HLA-DPA1: variants seen among roughly 807,000 people sequenced by gnomAD.
HLA-DPA1 encodes the protein major histocompatibility complex, class II, DP alpha 1.
Under a neutral mutation model 21.5 loss-of-function variants are expected in HLA-DPA1, and 20 were observed. The observed-to-expected ratio is 0.93, with a 90% CI of 0.66 to 1.35. The LOEUF is 1.35. HLA-DPA1 is among the 40% of genes most tolerant of loss of function. The pLI, the probability that HLA-DPA1 is intolerant of heterozygous loss-of-function variation, is 0.00. For missense variants in HLA-DPA1, 279 were observed against 323.0 expected (o/e 0.86, Z 1.05); for synonymous variants, 123 against 129.6 (o/e 0.95, Z 0.35).
In HLA-DPA1 at chr6:33,071,004, T is replaced by C. The variant is rs192235493; in HGVS notation, c.101-1118A>G. 3.6e-3 allele frequency among the ~76,000 whole-genome samples: 543 copies of C among 152,276 alleles called. 3 individuals are homozygous for C. Among genetic ancestry groups the C allele is most frequent in the East Asian group, 0.026 (133 of 5,190 alleles). ...TGAAAGAAAACGATGAATGTGTATG[T>C]GAAAGTCTGGGTTTAGAATGATAAA... is the stretch of plus-strand genomic sequence containing the variant. On this transcript the variant is annotated intron_variant, in intron 2 of 5. Coordinates refer to ENST00000419277, the Ensembl canonical transcript of HLA-DPA1.
chr6:33,073,538 T>C, exon 2 of HLA-DPA1: 1 of 1,612,960 alleles, frequency 6.2e-7, no homozygotes, highest in Non-Finnish European at 8.5e-7. Flanking sequence ...AGATCACAGC[T>C]CTGATATGGA....
chr6:33,072,114 T>C (rs971555504), intron 2 of HLA-DPA1, among the ~76,000 whole-genome samples: 3 of 151,936 alleles, frequency 2.0e-5, no homozygotes, highest in Non-Finnish European at 4.4e-5. Context: ...AGGAGAAAAA[T>C]AAGGACAGGG....
At chr6:33,065,746 T>G (rs1029943535) in intron 5 of HLA-DPA1, 3 of 146,018 alleles carry the variant, frequency 2.1e-5, no homozygotes, top group African/African-American at 8.0e-5. Context: ...TTGTGTATAC[T>G]GCTCTTTGAA....
intron 5 of HLA-DPA1, chr6:33,068,203 T>A (rs3180557): frequency 0.29 from 44,134 of 154,764 alleles, 8,404 homozygotes; most frequent in East Asian, 0.69. Flanking sequence ...CTCCATTATT[T>A]GGCAATGGAC....
At chr6:33,076,229 A>T (rs1261726999) in intron 1 of HLA-DPA1, 2 of 887,392 alleles carry the variant, frequency 2.3e-6, no homozygotes, top group Non-Finnish European at 3.6e-6. Flanking sequence ...ATTCTGAGAC[A>T]GGCTGCGGGG....
intron 1 of HLA-DPA1, among the ~76,000 whole-genome samples, chr6:33,077,932 A>C (rs1185836443): frequency 1.3e-5 from 2 of 152,188 alleles, no homozygotes. Flanking sequence ...TAGTCACAGA[A>C]GGGTGCTGAG....
intron 2 of HLA-DPA1, among the ~76,000 whole-genome samples, chr6:33,071,909 T>C (rs13213149): frequency 0.29 from 43,035 of 150,710 alleles, 8,362 homozygotes; most frequent in East Asian, 0.69. Flanking sequence ...AATACATAGA[T>C]ATTTGTGGAT....
Position 33,080,296 on chromosome 6 carries a change from G to A in HLA-DPA1, c.-100+384C>T. On this transcript the variant is annotated intron_variant, in intron 1 of 5. Coordinates refer to ENST00000419277, the Ensembl canonical transcript of HLA-DPA1. This position sits in a 1 kb window ranked among gnomAD's most constrained non-coding sequence, Gnocchi z 4.3. ...GTCAGGGAGTTAAGTAGGGGGAGCA[G>A]CTCCGCCCTCCACGTCCCCAGCTCC... 1 of 412,882 alleles carries A rather than the reference G, an allele frequency of 2.4e-6. No individual in the cohort carries two copies. The highest frequency in any genetic ancestry group is 4.8e-6 in the Non-Finnish European group (1 of 210,084). The allele number at this position is 412,882 out of a possible 1,614,324, so 25.6% of individuals were successfully genotyped here.
chr6:33,074,404 A>G (rs1302768159), intron 1 of HLA-DPA1, among the ~76,000 whole-genome samples: 1 of 152,130 alleles, frequency 6.6e-6, no homozygotes, highest in Non-Finnish European at 1.5e-5. Flanking sequence ...TCTTGTTTTT[A>G]AGAAGGGTTT....
chr6:33,067,650 A>T (rs1225669033), intron 5 of HLA-DPA1: 1 of 152,270 alleles, frequency 6.6e-6, no homozygotes, highest in Non-Finnish European at 1.5e-5. Flanking sequence ...TGGAAGAAAC[A>T]AACTGGATGT....
intron 2 of HLA-DPA1, among the ~76,000 whole-genome samples, chr6:33,072,549 C>T (rs775408490): frequency 2.6e-5 from 4 of 152,126 alleles, no homozygotes; most frequent in Non-Finnish European, 4.4e-5. Flanking sequence ...CAGGTGACCG[C>T]GAACAGGGCA....
At chr6:33,073,592 G>A (rs1257784842) in exon 2 of HLA-DPA1, 1 of 1,555,102 alleles carries the variant, frequency 6.4e-7, no homozygotes, top group Non-Finnish European at 8.9e-7. Flanking sequence ...TATAATTGAT[G>A]ACTGTGAGCA....
At position 33,080,681 on chromosome 6, in the gene HLA-DPA1, T is replaced by A; in HGVS notation, c.-101A>T. 6.8e-6 allele frequency: 11 copies of A among 1,612,156 alleles called. 1 individual carries two copies. In the Middle Eastern group the frequency reaches 1.5e-3, roughly 218 times the overall value. ...CGCCCCCTCCCCGCAGAGAATTACC[T>A]TTTCCAGGGACGGCAGGAATGCTAC... On this transcript the variant is annotated splice_region_variant and 5_prime_UTR_variant, in exon 1 of 6. Transcript: ENST00000419277. This position sits in a 1 kb window ranked among gnomAD's most constrained non-coding sequence, Gnocchi z 4.3.
At chr6:33,079,548 A>G (rs1391025325) in intron 1 of HLA-DPA1, 2 of 378,256 alleles carry the variant, frequency 5.3e-6, no homozygotes, top group Non-Finnish European at 1.0e-5. Flanking sequence ...AAAATTAAGC[A>G]TAACTGGCGG....
intron 1 of HLA-DPA1, chr6:33,073,921 GAGCCCCACCCCC>G (rs1264938774): frequency 8.5e-6 from 2 of 235,092 alleles, no homozygotes; most frequent in Non-Finnish European, 1.7e-5. Context: ...TCCTTCTCCC[GAGCCCCACCCCC>G]ATCCCAGACA....
intron 1 of HLA-DPA1, among the ~76,000 whole-genome samples, chr6:33,074,629 C>G (rs9469345): frequency 0.19 from 29,409 of 152,148 alleles, 3,473 homozygotes; most frequent in African/African-American, 0.32. Flanking sequence ...GTAGCCTTAC[C>G]TTGCATAAAT....
chr6:33,068,824 A>G lies in HLA-DPA1; in HGVS notation c.629-20T>C, dbSNP rs766754740. 6.2e-7 allele frequency: 1 copy of G among 1,612,096 alleles called. No individual in the cohort carries two copies. Among genetic ancestry groups the G allele is most frequent in the South Asian group, 1.1e-5 (1 of 90,986 alleles). On this transcript the variant is annotated intron_variant, in intron 4 of 5. Coordinates refer to ENST00000419277, the Ensembl canonical transcript of HLA-DPA1. ...GGGCCTCTGGGGGAAGAATGAAGAG[A>G]TAGGGTCAGGAGGTGCAGTGAGGGT...
intron 2 of HLA-DPA1, 35 bp downstream of exon 1, chr6:33,073,436 C>G (rs781388350): frequency 7.3e-7 from 1 of 1,375,996 alleles, no homozygotes; most frequent in Non-Finnish European, 1.0e-6. Context: ...CCCCATCACT[C>G]ACCCCGACGC....
chr6:33,074,886 T>C lies in HLA-DPA1; in HGVS notation c.-99-1217A>G, dbSNP rs141624349. Reference sequence around the variant, plus strand: ...TCTCCACAATCCTCTCCTGGCCCCTTAATCCTACTAGACACCTTCTACTAC... The same window carrying C: ...TCTCCACAATCCTCTCCTGGCCCCTCAATCCTACTAGACACCTTCTACTAC... On this transcript the variant is annotated intron_variant, in intron 1 of 5. Coordinates refer to ENST00000419277, the Ensembl canonical transcript of HLA-DPA1. Among the ~76,000 whole-genome samples, 541 of 152,350 alleles carry C rather than the reference T, an allele frequency of 3.6e-3. 3 individuals carry two copies. The highest frequency in any genetic ancestry group is 0.026 in the East Asian group (133 of 5,190).
Sources: allele counts gnomAD v4.1 joint callset (sites outside exome capture counted in the v4.1 genomes callset), GRCh38; gene constraint gnomAD v4.1.1; non-coding constraint Gnocchi (gnomAD v3.1); transcripts MANE v1.5; gene names NCBI Gene and HGNC (gene_info 2026-07-23, HGNC 2026-07-21).